Variants in DCLK2 observed in about 807,000 individuals in gnomAD.
The protein encoded by DCLK2 is serine/threonine-protein kinase DCLK2.
DCLK2 carries 31 observed loss-of-function variants against 78.4 expected under a neutral mutation model. The ratio of observed to expected loss-of-function variants is 0.40; its 90% CI spans 0.30 to 0.53. The LOEUF (loss-of-function observed/expected upper bound fraction) is 0.53, where lower values mean the gene tolerates loss of function less well. Among genes scored for constraint, DCLK2 ranks in the 20% least tolerant of loss-of-function variants. The probability of loss-of-function intolerance (pLI) is 0.61; values close to 1 mark genes in which losing one functional copy is unlikely to be tolerated. For synonymous variants in DCLK2, 407 were observed against 374.9 expected, an observed-to-expected ratio of 1.09 and a Z score of -0.99; for missense variants, 872 against 973.7, an observed-to-expected ratio of 0.90 and a Z score of 1.39.
chr4:150,230,912 G>T (rs781487365), intron 8 of DCLK2, among the ~76,000 whole-genome samples: 1 of 152,180 alleles, frequency 6.6e-6, no homozygotes, highest in Non-Finnish European at 1.5e-5. Context: ...GCCAGTCAAA[G>T]ACTTCCTAGC....
At chr4:150,133,424 G>C (rs1157188775) in intron 2 of DCLK2, among the ~76,000 whole-genome samples, 1 of 152,196 alleles carries the variant, frequency 6.6e-6, no homozygotes, top group Non-Finnish European at 1.5e-5. Flanking sequence ...CAGAATCTGT[G>C]AATAATGAGC....
chr4:150,234,860 C>G (rs565351474), intron 10 of DCLK2, among the ~76,000 whole-genome samples: 2 of 152,198 alleles, frequency 1.3e-5, no homozygotes, highest in African/African-American at 4.8e-5. Flanking sequence ...ATATGGCGTT[C>G]TCTCCTCAAA....
At chr4:150,236,284 T>C (rs1231819649) in intron 10 of DCLK2, among the ~76,000 whole-genome samples, 1 of 152,194 alleles carries the variant, frequency 6.6e-6, no homozygotes, top group African/African-American at 2.4e-5. Context: ...GTGCAGGCTG[T>C]AGTCAGGGTT....
At chr4:150,112,435 T>C (rs894075657) in intron 2 of DCLK2, among the ~76,000 whole-genome samples, 1 of 152,162 alleles carries the variant, frequency 6.6e-6, no homozygotes, top group African/African-American at 2.4e-5. Context: ...TTGGATGCCC[T>C]TGGCTAGGAC....
At chr4:150,188,901 T>C (rs1738163914) in intron 2 of DCLK2, among the ~76,000 whole-genome samples, 1 of 75,292 alleles carries the variant, frequency 1.3e-5, no homozygotes, top group Non-Finnish European at 2.7e-5. Flanking sequence ...CGAGACTCTG[T>C]CTCAAAAAAA....
chr4:150,185,809 G>A (rs1005878485), intron 2 of DCLK2, among the ~76,000 whole-genome samples: 2 of 152,092 alleles, frequency 1.3e-5, no homozygotes, highest in South Asian at 2.1e-4. Context: ...AAGAAAAAGA[G>A]TGGTTGTGGC....
chr4:150,169,027 G>T (rs1346873010), intron 2 of DCLK2, among the ~76,000 whole-genome samples: 2 of 151,524 alleles, frequency 1.3e-5, no homozygotes, highest in African/African-American at 4.9e-5. Flanking sequence ...CACTACCATT[G>T]GAAGCCAAAG....
intron 2 of DCLK2, among the ~76,000 whole-genome samples, chr4:150,136,979 C>CTTTTTTTTTTTTTTTTTTTTTTTTTTT (rs35729685): frequency 3.6e-5 from 3 of 82,406 alleles, no homozygotes; most frequent in African/African-American, 9.1e-5. Flanking sequence ...TCTTCTTCTT[C>CTTTTTTTTTTTTTTTTTTTTTTTTTTT]TTTTTTTTTT....
chr4:150,144,550 T>C (rs1734327550), intron 2 of DCLK2, among the ~76,000 whole-genome samples: 1 of 152,112 alleles, frequency 6.6e-6, no homozygotes, highest in Non-Finnish European at 1.5e-5. Flanking sequence ...TAGGATTGCT[T>C]TGACTGATTG....
At chr4:150,126,619 A>C (rs56080313) in intron 2 of DCLK2, among the ~76,000 whole-genome samples, 2 of 152,040 alleles carry the variant, frequency 1.3e-5, no homozygotes, top group Admixed American at 1.3e-4. Context: ...TAAAAAATAT[A>C]TTTTGGCTTT....
At chr4:150,252,685 G>A (rs1744264013) in intron 15 of DCLK2, among the ~76,000 whole-genome samples, 2 of 152,200 alleles carry the variant, frequency 1.3e-5, no homozygotes, top group Non-Finnish European at 2.9e-5. Context: ...CAAACCCCTG[G>A]GCTCTGACAG....
chr4:150,109,734 A>C (rs1731531872), intron 2 of DCLK2, among the ~76,000 whole-genome samples: 1 of 152,214 alleles, frequency 6.6e-6, no homozygotes, highest in African/African-American at 2.4e-5. Flanking sequence ...GGTCTGCCTC[A>C]AGCAATGGAA....
chr4:150,078,927 C>G lies in DCLK2; in HGVS notation c.-101C>G. The stretch of plus-strand genomic sequence containing the variant: ...GGCGGGATGCCAGAGCCAGGTGTCC[C>G]GGCGCGTTAAGGGCCCTCGCAGTCA... On this transcript the variant is annotated 5_prime_UTR_variant, in exon 1 of 16. Coordinates refer to ENST00000296550, the MANE Select transcript of DCLK2 (RefSeq NM_001040260.4). 1 of 1,372,500 alleles carries G rather than the reference C, an allele frequency of 7.3e-7. No homozygotes were observed. The highest frequency in any genetic ancestry group is 1.5e-5 in the African/African-American group (1 of 65,674). 85.0% of individuals were successfully genotyped at this position (1,372,500 alleles called of 1,614,324 possible). A position where few individuals can be genotyped will look rare whatever the true frequency, so the allele number is the denominator to read the frequency against.
At chr4:150,253,345 G>T in intron 15 of DCLK2, 1 of 975,710 alleles carries the variant, frequency 1.0e-6, no homozygotes, top group South Asian at 1.3e-5. Flanking sequence ...CCCATCTGCT[G>T]TCACCCTAGT....
chr4:150,126,609 T>A (rs1026410784), intron 2 of DCLK2, among the ~76,000 whole-genome samples: 2 of 152,208 alleles, frequency 1.3e-5, no homozygotes, highest in African/African-American at 4.8e-5. Context: ...TTACAATTTT[T>A]AAAAAATATA....
intron 1 of DCLK2, among the ~76,000 whole-genome samples, chr4:150,095,033 T>C (rs1458105680): frequency 6.6e-6 from 1 of 152,202 alleles, no homozygotes; most frequent in Non-Finnish European, 1.5e-5. Context: ...CAGAAACAAA[T>C]AAATTGTAAT....
rs57866267 is a variant in DCLK2 at position 150,135,165 on chromosome 4, T to TACACACACACACACACACACACAC, written c.756+32358_756+32381dup. Among the ~76,000 whole-genome samples the TACACACACACACACACACACACAC allele has an allele frequency of 3.4e-3, 497 of 146,898 alleles. 3 individuals carry two copies. The highest frequency in any genetic ancestry group is 0.013 in the East Asian group (61 of 4,614). Reference sequence around the variant, plus strand: ...AAAACACCTGCCTCTCATACACGTGTACACACACACACACACACACACACA... The same window carrying TACACACACACACACACACACACAC: ...AAAACACCTGCCTCTCATACACGTGTACACACACACACACACACACACACACACACACACACACACACACACACA... On this transcript the variant is annotated intron_variant, in intron 2 of 15. Transcript: ENST00000296550.
chr4:150,121,927 T>C (rs1732575288), intron 2 of DCLK2, among the ~76,000 whole-genome samples: 1 of 152,146 alleles, frequency 6.6e-6, no homozygotes, highest in African/African-American at 2.4e-5. Flanking sequence ...TGAAATGAAT[T>C]TTTTTTCCAG....
intron 1 of DCLK2, among the ~76,000 whole-genome samples, chr4:150,084,546 AG>A (rs1374712854): frequency 6.6e-6 from 1 of 152,286 alleles, no homozygotes; most frequent in African/African-American, 2.4e-5. Context: ...CTCTTTCCCG[AG>A]GTAAGAGGAA....
Sources: allele counts gnomAD v4.1 joint callset (sites outside exome capture counted in the v4.1 genomes callset), GRCh38; gene constraint gnomAD v4.1.1; transcripts MANE v1.5; gene names NCBI Gene and HGNC (gene_info 2026-07-23, HGNC 2026-07-21).